Variants in NECTIN4 observed in about 807,000 individuals in gnomAD.
NECTIN4 encodes the protein nectin cell adhesion molecule 4.
A neutral mutation model predicts 51.7 loss-of-function variants in NECTIN4; 19 were observed. The observed-to-expected ratio is 0.37, with a 90% CI of 0.26 to 0.54. The LOEUF (loss-of-function observed/expected upper bound fraction) is 0.54. Among genes scored for constraint, NECTIN4 ranks in the 20% least tolerant of loss-of-function variants. NECTIN4 has a pLI of 0.86. For synonymous variants in NECTIN4, 283 were observed against 286.9 expected, an observed-to-expected ratio of 0.99 and a Z score of 0.14; for missense variants, 619 against 662.4, an observed-to-expected ratio of 0.93 and a Z score of 0.72.
chr1:161,077,810 C>A (rs1192935904), intron 2 of NECTIN4, 67 bp from the exon 3 acceptor site: 6 of 1,450,490 alleles, frequency 4.1e-6, no homozygotes, highest in Non-Finnish European at 5.6e-6. Context: ...CCACTCATCG[C>A]ATTTCAGTCT....
intron 1 of NECTIN4, 84 bp from the exon 2 acceptor site, chr1:161,080,033 G>C: frequency 1.3e-6 from 2 of 1,486,152 alleles, no homozygotes; most frequent in Non-Finnish European, 1.8e-6. Context: ...TGACAGCAAA[G>C]GTGACCGGAA....
chr1:161,077,765 G>C, intron 2 of NECTIN4, 22 bp from the exon 3 acceptor site: 1 of 1,599,346 alleles, frequency 6.3e-7, no homozygotes, highest in Non-Finnish European at 8.5e-7. Flanking sequence ...GAAAGGCAGG[G>C]GTCACAGGTC....
intron 1 of NECTIN4, among the ~76,000 whole-genome samples, chr1:161,088,436 A>G (rs1375493594): frequency 6.6e-6 from 1 of 152,182 alleles, no homozygotes; most frequent in Non-Finnish European, 1.5e-5. Context: ...CCTATAATTC[A>G]TATTTGCTCT....
intron 1 of NECTIN4, among the ~76,000 whole-genome samples, chr1:161,083,102 T>C (rs769671857): frequency 3.4e-4 from 51 of 152,152 alleles, no homozygotes; most frequent in Non-Finnish European, 5.3e-4. Context: ...CACCTGTGAG[T>C]CCACGATCCC....
chr1:161,079,497 T>C (rs1653566703), intron 2 of NECTIN4, 93 bp downstream of exon 2: 38 of 1,517,628 alleles, frequency 2.5e-5, no homozygotes, highest in Non-Finnish European at 3.1e-5. Context: ...TTTATTCCTG[T>C]TCTACCTCTG....
At position 161,074,393 on chromosome 1, in the gene NECTIN4, GTC is replaced by G; in HGVS notation, c.1001-22_1001-21del. The G allele has an allele frequency of 1.2e-6, 2 of 1,613,836 alleles. No homozygotes were observed. The highest frequency in any genetic ancestry group is 2.7e-5 in the African/African-American group (2 of 74,974). On this transcript the variant is annotated intron_variant, in intron 5 of 8. Transcript: ENST00000368012. ...GGGGGTCTGCTGGAGACAGGCCACT[GTC>G]TGAGGTGGAAGCCTGCAGCCACAAC...
At chr1:161,083,236 G>T (rs1653779992) in intron 1 of NECTIN4, among the ~76,000 whole-genome samples, 1 of 152,174 alleles carries the variant, frequency 6.6e-6, no homozygotes, top group Non-Finnish European at 1.5e-5. Context: ...GAACATCTCA[G>T]CCTGAGGCAA....
chr1:161,087,630 T>C (rs539648838), intron 1 of NECTIN4: 4 of 150,852 alleles, frequency 2.7e-5, no homozygotes, highest in Non-Finnish European at 4.4e-5. Flanking sequence ...ATTCCAGCCA[T>C]AGTGACCGGG....
intron 2 of NECTIN4, among the ~76,000 whole-genome samples, chr1:161,078,492 G>C (rs2101664877): frequency 6.6e-6 from 1 of 151,898 alleles, no homozygotes; most frequent in Non-Finnish European, 1.5e-5. Flanking sequence ...ATTTTTAGTA[G>C]AGATGGGGTT....
chr1:161,076,203 T>C, intron 4 of NECTIN4, 152 bp downstream of exon 4: 3 of 813,720 alleles, frequency 3.7e-6, no homozygotes, highest in Non-Finnish European at 5.8e-6. Context: ...TATTCTTGTA[T>C]GATGAGTATA....
chr1:161,079,515 C>T, intron 2 of NECTIN4, 75 bp downstream of exon 2: 1 of 1,565,778 alleles, frequency 6.4e-7, no homozygotes, highest in South Asian at 1.1e-5. Context: ...CTGCCCCATC[C>T]ATCTCTGCAG....
intron 1 of NECTIN4, chr1:161,084,394 T>G (rs962560987): frequency 1.3e-5 from 2 of 152,332 alleles, no homozygotes; most frequent in Admixed American, 1.3e-4. Context: ...CGGTTTATCT[T>G]GGCTTCCACA....
intron 3 of NECTIN4, among the ~76,000 whole-genome samples, chr1:161,077,105 A>G (rs1653444769): frequency 6.6e-6 from 1 of 152,260 alleles, no homozygotes; most frequent in South Asian, 2.1e-4. Context: ...ACAAGAATGA[A>G]TAACAGCTGG....
chr1:161,084,237 C>T (rs1230618645), intron 1 of NECTIN4, among the ~76,000 whole-genome samples: 2 of 152,168 alleles, frequency 1.3e-5, no homozygotes, highest in African/African-American at 4.8e-5. Context: ...TACGTACTTA[C>T]TTGTCTGTGT....
In NECTIN4 at chr1:161,080,079, T is replaced by A. The variant is rs1653610639; in HGVS notation, c.80-130A>T. 15 of 1,098,178 alleles carry A rather than the reference T, an allele frequency of 1.4e-5. No individual in the cohort carries two copies. The South Asian group carries it at 2.5e-4, about 18-fold the overall frequency. 68.0% of individuals were successfully genotyped at this position (1,098,178 alleles called of 1,614,324 possible). ...ATTTGGGCTTGCAAAGCACATTCAG[T>A]TCATTACCTTATTAAATCTACAAAA... On this transcript the variant is annotated intron_variant, in intron 1 of 8. Coordinates refer to ENST00000368012, the MANE Select transcript of NECTIN4 (RefSeq NM_030916.3).
At chr1:161,076,525 T>C (rs111398053) in intron 3 of NECTIN4, 50 bp from the exon 4 acceptor site, 2 of 1,610,252 alleles carry the variant, frequency 1.2e-6, no homozygotes, top group South Asian at 2.2e-5. Context: ...CCTTTGATCA[T>C]GTGGTACCTC....
In NECTIN4 at chr1:161,089,537, C is replaced by T. The variant is rs1016979137; in HGVS notation, c.-241G>A. 2.7e-5 allele frequency: 15 copies of T among 559,802 alleles called. No homozygotes were observed. Among genetic ancestry groups the T allele is most frequent in the South Asian group, 8.0e-5 (4 of 50,096 alleles). 34.7% of individuals were successfully genotyped at this position (559,802 alleles called of 1,614,324 possible). A position where few individuals can be genotyped will look rare whatever the true frequency, so the allele number is the denominator to read the frequency against. ...CGAGCTCCCCCAGAGCTGCTTCCCA[C>T]GCTGTGGCCAACAACGACGGCAGAA... On this transcript the variant is annotated 5_prime_UTR_variant, in exon 1 of 9. The change creates a new upstream start codon in the 5' untranslated region. Coordinates refer to ENST00000368012, the MANE Select transcript of NECTIN4 (RefSeq NM_030916.3). The surrounding 1 kb of genome is among the most constrained non-coding windows in gnomAD (Gnocchi z 4.1).
intron 2 of NECTIN4, among the ~76,000 whole-genome samples, chr1:161,078,873 G>A (rs1262762513): frequency 1.3e-5 from 2 of 152,028 alleles, no homozygotes; most frequent in Non-Finnish European, 2.9e-5. Context: ...TTAACTGGGC[G>A]TGGTGGTGGG....
intron 1 of NECTIN4, among the ~76,000 whole-genome samples, chr1:161,084,309 A>G (rs141745832): frequency 0.012 from 1,847 of 152,288 alleles, 29 homozygotes; most frequent in South Asian, 0.058. Flanking sequence ...TTCCGTGTGC[A>G]TGTCACACCC....
Sources: allele counts gnomAD v4.1 joint callset (sites outside exome capture counted in the v4.1 genomes callset), GRCh38; gene constraint gnomAD v4.1.1; non-coding constraint Gnocchi (gnomAD v3.1); transcripts MANE v1.5; gene names NCBI Gene and HGNC (gene_info 2026-07-23, HGNC 2026-07-21).